Variants in ERFL observed in about 807,000 individuals in gnomAD.
The protein encoded by ERFL is ETS repressor factor like.
In ERFL, 8 loss-of-function variants were observed where a neutral mutation model predicts 27.9. That is an observed-to-expected ratio of 0.29 (90% confidence interval 0.17 to 0.52). ERFL has a LOEUF of 0.52. Ranked by LOEUF, ERFL falls within the 20% of genes least tolerant of loss-of-function variation. The pLI, the probability that ERFL is intolerant of heterozygous loss-of-function variation, is 0.97. For missense variants in ERFL, 294 were observed against 444.4 expected, an observed-to-expected ratio of 0.66 and a Z score of 3.04; for synonymous variants, 174 against 202.8, an observed-to-expected ratio of 0.86 and a Z score of 1.21.
At chr19:41,912,626 A>G (rs1193449678) in intron 2 of ERFL, among the ~76,000 whole-genome samples, 1 of 152,128 alleles carries the variant, frequency 6.6e-6, no homozygotes, top group Non-Finnish European at 1.5e-5. Flanking sequence ...GTACCCTCCC[A>G]GAAGACCCAC....
chr19:41,924,843 GAAGCA>G (rs1352841231), intron 1 of ERFL, among the ~76,000 whole-genome samples: 1 of 152,172 alleles, frequency 6.6e-6, no homozygotes, highest in Non-Finnish European at 1.5e-5. Flanking sequence ...TTTCTGGAGA[GAAGCA>G]GGTTGGAGAC....
intron 2 of ERFL, among the ~76,000 whole-genome samples, chr19:41,911,001 C>G (rs1346716190): frequency 2.0e-5 from 3 of 152,192 alleles, no homozygotes; most frequent in Non-Finnish European, 4.4e-5. Context: ...ACACAGGACC[C>G]CAAATGCCCA....
chr19:41,912,872 C>G lies in ERFL; in HGVS notation c.48G>C (p.Leu16=), dbSNP rs1342040218. The G allele has an allele frequency of 8.1e-7, 1 of 1,230,214 alleles. No homozygotes were observed. The highest frequency in any genetic ancestry group is 1.6e-5 in the African/African-American group (1 of 64,070). 76.2% of individuals were successfully genotyped at this position (1,230,214 alleles called of 1,614,324 possible). The part of the protein sequence containing the change: ...VSDLLFAPPA[L]PALWTPGFAF... ...AGTTACCGGGGGTCCAGAGAGCCGGCAGGGCGGGCGGGGCGAAGAGAAGGT... is the reference window on the plus strand; with the variant it reads ...AGTTACCGGGGGTCCAGAGAGCCGGGAGGGCGGGCGGGGCGAAGAGAAGGT... The change falls in exon 2 of 6, where the codon CTG becomes CTC. Residue 16 remains leucine, a synonymous_variant. Coordinates refer to ENST00000597630, the MANE Select transcript of ERFL (RefSeq NM_001365103.2).
intron 1 of ERFL, among the ~76,000 whole-genome samples, chr19:41,914,896 G>A (rs1474760567): frequency 2.0e-5 from 1 of 50,802 alleles, no homozygotes; most frequent in African/African-American, 2.5e-4. Flanking sequence ...CATCATCTCT[G>A]TCTCTGTCTC....
chr19:41,913,322 C>G (rs1555851438), intron 1 of ERFL, among the ~76,000 whole-genome samples: 3 of 151,520 alleles, frequency 2.0e-5, no homozygotes, highest in Non-Finnish European at 4.4e-5. Flanking sequence ...CTCCCGTCCC[C>G]GCTCTCCCGC....
chr19:41,926,905 G>GGAGAGACAGAGACAGAGAGACAGT (rs1555853320), intron 1 of ERFL, among the ~76,000 whole-genome samples: 9 of 152,010 alleles, frequency 5.9e-5, no homozygotes, highest in African/African-American at 2.2e-4. Context: ...AGAGATGCTG[G>GGAGAGACAGAGACAGAGAGACAGT]GAGAGACAGA....
intron 1 of ERFL, among the ~76,000 whole-genome samples, chr19:41,915,215 C>CCGGA (rs1475917053): frequency 3.4e-5 from 5 of 148,126 alleles, no homozygotes; most frequent in African/African-American, 1.3e-4. Context: ...GCCGCCTCCT[C>CCGGA]CGGACACGTT....
chr19:41,917,232 A>T lies in ERFL; in HGVS notation c.-13-4300T>A, dbSNP rs2074806868. 6.6e-6 allele frequency among the ~76,000 whole-genome samples: 1 copy of T among 151,514 alleles called. No homozygotes were observed. On this transcript the variant is annotated intron_variant, in intron 1 of 5. Transcript: ENST00000597630. The surrounding 1 kb of genome is among the most constrained non-coding windows in gnomAD (Gnocchi z 4.8). Reference sequence around the variant, plus strand: ...GTCTTTCTAAATATCTCCATCTCTGAGTGTCTCTGTTTCCCCCATCTCTCT... The same window carrying T: ...GTCTTTCTAAATATCTCCATCTCTGTGTGTCTCTGTTTCCCCCATCTCTCT...
Position 41,909,377 on chromosome 19 carries a change from G to A in ERFL, c.397C>T (p.Leu133=), listed in dbSNP as rs2074740147. 1 of 1,236,940 alleles carries A rather than the reference G, an allele frequency of 8.1e-7. No individual in the cohort carries two copies. Among genetic ancestry groups the A allele is most frequent in the East Asian group, 3.2e-5 (1 of 31,722 alleles). 76.6% of individuals were successfully genotyped at this position (1,236,940 alleles called of 1,614,324 possible). A position where few individuals can be genotyped will look rare whatever the true frequency, so the allele number is the denominator to read the frequency against. ...FSKVVLVNYP[L]LDMAAAATGS... ...GTGGCAGCTGCCGCCATGTCCAGCAGCGGGTAATTGACAAGCACGACTTTG... is the reference window on the plus strand; with the variant it reads ...GTGGCAGCTGCCGCCATGTCCAGCAACGGGTAATTGACAAGCACGACTTTG... The change falls in exon 4 of 6, where the codon CTG becomes TTG. Residue 133 remains leucine (L), a synonymous_variant. Transcript: ENST00000597630. This position sits in a 1 kb window ranked among gnomAD's most constrained non-coding sequence, Gnocchi z 5.2.
chr19:41,922,261 T>G (rs1247605070), intron 1 of ERFL, among the ~76,000 whole-genome samples: 1 of 151,414 alleles, frequency 6.6e-6, no homozygotes. Flanking sequence ...TATGTTGAGG[T>G]GGAATCCAGA....
In ERFL at chr19:41,909,190, T is replaced by A; in HGVS notation, c.499-13A>T. 8.1e-7 allele frequency: 1 copy of A among 1,229,840 alleles called. No individual in the cohort carries two copies. Among genetic ancestry groups the A allele is most frequent in the Non-Finnish European group, 1.0e-6 (1 of 987,400 alleles). The allele number at this position is 1,229,840 out of a possible 1,614,324, so 76.2% of individuals were successfully genotyped here. A position where few individuals can be genotyped will look rare whatever the true frequency, so the allele number is the denominator to read the frequency against. The stretch of plus-strand genomic sequence containing the variant: ...GGGTTTGCAGGGTCTAGAGAGGGAG[T>A]GGGAGAAGCCGCCCTTCTCAGACTG... On this transcript the variant is annotated splice_polypyrimidine_tract_variant and intron_variant, in intron 4 of 5. Transcript: ENST00000597630. The surrounding 1 kb of genome is among the most constrained non-coding windows in gnomAD (Gnocchi z 5.2).
At position 41,908,454 on chromosome 19, in the gene ERFL, G is replaced by C; in HGVS notation, c.839C>G (p.Ser280Trp). Residue 280 changes from serine to tryptophan, a missense_variant, in exon 6 of 6, where the codon TCG becomes TGG. Ser to Trp is a radical substitution (Grantham distance 177). Around this residue, in one of 3 missense-constraint regions of ERFL, gnomAD observed 246 missense variants for 371.4 expected, o/e 0.66. Transcript: ENST00000597630. The surrounding 1 kb of genome is among the most constrained non-coding windows in gnomAD (Gnocchi z 6.7). ...GGPTATPLLA[S>W]TGEGLGPERP... ...CTCGGGGCCCAGGCCCTCCCCTGTCGAGGCCAGCAGGGGCGTGGCTGTGGG... is the reference window on the plus strand; with the variant it reads ...CTCGGGGCCCAGGCCCTCCCCTGTCCAGGCCAGCAGGGGCGTGGCTGTGGG... 8.1e-7 allele frequency: 1 copy of C among 1,231,378 alleles called. No homozygotes were observed. Among genetic ancestry groups the C allele is most frequent in the Non-Finnish European group, 1.0e-6 (1 of 987,768 alleles). 76.3% of individuals were successfully genotyped at this position (1,231,378 alleles called of 1,614,324 possible). A position where few individuals can be genotyped will look rare whatever the true frequency, so the allele number is the denominator to read the frequency against.
chr19:41,917,477 C>A lies in ERFL; in HGVS notation c.-13-4545G>T, dbSNP rs1342462330. Among the ~76,000 whole-genome samples the A allele has an allele frequency of 6.6e-6, 1 of 151,792 alleles. No individual in the cohort carries two copies. The highest frequency in any genetic ancestry group is 1.5e-5 in the Non-Finnish European group (1 of 67,902). ...CAGCCCCTTCATCCCTCACCCAGGCCCCCCCATCCCCACCTCCCCTTAACA... is the reference window on the plus strand; with the variant it reads ...CAGCCCCTTCATCCCTCACCCAGGCACCCCCATCCCCACCTCCCCTTAACA... On this transcript the variant is annotated intron_variant, in intron 1 of 5. Coordinates refer to ENST00000597630, the MANE Select transcript of ERFL (RefSeq NM_001365103.2). The surrounding 1 kb of genome is among the most constrained non-coding windows in gnomAD (Gnocchi z 4.8).
At chr19:41,920,423 A>G (rs113007558) in intron 1 of ERFL, among the ~76,000 whole-genome samples, 3,970 of 133,344 alleles carry the variant, frequency 0.03, 180 homozygotes, top group African/African-American at 0.1. Context: ...GACATGACAC[A>G]CTCACAGACA....
chr19:41,912,870 G>A lies in ERFL; in HGVS notation c.50C>T (p.Pro17Leu). ...SDLLFAPPAL[P>L]ALWTPGFAFP... ...CCAGTTACCGGGGGTCCAGAGAGCCGGCAGGGCGGGCGGGGCGAAGAGAAG... is the reference window on the plus strand; with the variant it reads ...CCAGTTACCGGGGGTCCAGAGAGCCAGCAGGGCGGGCGGGGCGAAGAGAAG... Residue 17 changes from proline (P) to leucine (L), a missense_variant, in exon 2 of 6, where the codon CCG (proline) becomes CTG (leucine). Around this residue, in one of 3 missense-constraint regions of ERFL, gnomAD observed 38 missense variants for 35.3 expected, o/e 1.08. Coordinates refer to ENST00000597630, the MANE Select transcript of ERFL (RefSeq NM_001365103.2). The A allele has an allele frequency of 8.1e-7, 1 of 1,230,772 alleles. No individual in the cohort carries two copies. The allele number at this position is 1,230,772 out of a possible 1,614,324, so 76.2% of individuals were successfully genotyped here.
At position 41,908,021 on chromosome 19, in the gene ERFL, G is replaced by T. The variant is rs2074727632; in HGVS notation, c.*207C>A. 1 of 423,702 alleles carries T rather than the reference G, an allele frequency of 2.4e-6. No homozygotes were observed. The highest frequency in any genetic ancestry group is 4.0e-6 in the Non-Finnish European group (1 of 250,284). 26.2% of individuals were successfully genotyped at this position (423,702 alleles called of 1,614,324 possible). ...CCTCAAACTGGAGCCTGGGGAGGAG[G>T]CCGGAGGCCATCACATTCCCTCTGT... On this transcript the variant is annotated 3_prime_UTR_variant, in exon 6 of 6. Coordinates refer to ENST00000597630, the MANE Select transcript of ERFL (RefSeq NM_001365103.2). This position sits in a 1 kb window ranked among gnomAD's most constrained non-coding sequence, Gnocchi z 6.7.
intron 1 of ERFL, among the ~76,000 whole-genome samples, chr19:41,919,660 G>A (rs2074825808): frequency 6.6e-6 from 1 of 152,000 alleles, no homozygotes; most frequent in Non-Finnish European, 1.5e-5. Context: ...GATTTTGGGG[G>A]CTCTTCCTCA....
intron 2 of ERFL, among the ~76,000 whole-genome samples, chr19:41,911,252 G>T (rs1026743734): frequency 2.6e-5 from 4 of 152,140 alleles, no homozygotes; most frequent in African/African-American, 9.7e-5. Flanking sequence ...CATGCAGAAG[G>T]CCCCAAGCCC....
rs1251021872 is a variant in ERFL at position 41,908,795 on chromosome 19, A to C, written c.617-119T>G. ...CCGCATCCCTCCTACATGGCATCTT[A>C]CCCCCTCATACAGCTTCCCCCAACT... On this transcript the variant is annotated intron_variant, in intron 5 of 5. Transcript: ENST00000597630. The surrounding 1 kb of genome is among the most constrained non-coding windows in gnomAD (Gnocchi z 6.7). 5 of 474,794 alleles carry C rather than the reference A, an allele frequency of 1.1e-5. No homozygotes were observed. Among genetic ancestry groups the C allele is most frequent in the African/African-American group, 4.6e-5 (2 of 43,058 alleles). The allele number at this position is 474,794 out of a possible 1,614,324, so 29.4% of individuals were successfully genotyped here. A position where few individuals can be genotyped will look rare whatever the true frequency, so the allele number is the denominator to read the frequency against.
Sources: allele counts gnomAD v4.1 joint callset (sites outside exome capture counted in the v4.1 genomes callset), GRCh38; gene constraint gnomAD v4.1.1; regional missense constraint gnomAD v4.1.1; non-coding constraint Gnocchi (gnomAD v3.1); transcripts MANE v1.5; gene names NCBI Gene and HGNC (gene_info 2026-07-23, HGNC 2026-07-21).